RAI14: variants seen among roughly 807,000 people sequenced by gnomAD.
RAI14 encodes retinoic acid induced 14.
RAI14 carries 45 observed loss-of-function variants against 115.4 expected under a neutral mutation model. The observed-to-expected ratio is 0.39, with a 90% CI of 0.31 to 0.50. RAI14 has a LOEUF of 0.50. Among genes scored for constraint, RAI14 ranks in the 20% least tolerant of loss-of-function variants. The pLI, the probability that RAI14 is intolerant of heterozygous loss-of-function variation, is 0.85. For synonymous variants in RAI14, 371 were observed against 415.4 expected (o/e 0.89, Z 1.30); for missense variants, 939 against 1,131.2 (o/e 0.83, Z 2.44).
chr5:34,759,515 T>C (rs1454270360), intron 3 of RAI14, among the ~76,000 whole-genome samples: 2 of 152,286 alleles, frequency 1.3e-5, no homozygotes, highest in African/African-American at 2.4e-5. Context: ...CAAACCCTAC[T>C]GTGAACTGCA....
chr5:34,795,311 A>C (rs138649380), intron 3 of RAI14, among the ~76,000 whole-genome samples: 276 of 152,314 alleles, frequency 1.8e-3, no homozygotes, highest in Non-Finnish European at 2.8e-3. Flanking sequence ...CTTGCCATCT[A>C]ATGGAGAAAG....
At chr5:34,799,337 T>A (rs547437265) in intron 4 of RAI14, among the ~76,000 whole-genome samples, 2 of 152,252 alleles carry the variant, frequency 1.3e-5, no homozygotes, top group South Asian at 4.1e-4. Context: ...CTTTTACAGG[T>A]ATTGTCTTTC....
intron 3 of RAI14, 91 bp downstream of exon 3, chr5:34,757,689 G>A (rs528298782): frequency 9.1e-6 from 13 of 1,430,284 alleles, no homozygotes; most frequent in African/African-American, 4.3e-5. Context: ...AATTTCACAC[G>A]TGCTCCCTCT....
intron 2 of RAI14, among the ~76,000 whole-genome samples, chr5:34,732,613 G>A (rs1580066989): frequency 6.6e-6 from 1 of 151,166 alleles, no homozygotes; most frequent in Non-Finnish European, 1.5e-5. Flanking sequence ...TAATTTTTGT[G>A]TTTTTAGTAG....
intron 17 of RAI14, 55 bp downstream of exon 17, chr5:34,829,852 T>C: frequency 7.2e-7 from 1 of 1,382,996 alleles, no homozygotes; most frequent in East Asian, 2.4e-5. Context: ...CGGCAGCAGA[T>C]GTTGACAGAA....
chr5:34,752,727 G>GTATATATA (rs1462269667), intron 2 of RAI14, among the ~76,000 whole-genome samples: 11 of 86,722 alleles, frequency 1.3e-4, no homozygotes, highest in African/African-American at 1.8e-4. Flanking sequence ...GTGTGTGTGT[G>GTATATATA]TGTGTGTGTG....
chr5:34,674,942 G>A (rs1170704035), intron 1 of RAI14, among the ~76,000 whole-genome samples: 2 of 150,696 alleles, frequency 1.3e-5, no homozygotes, highest in Non-Finnish European at 2.9e-5. Flanking sequence ...TTGTCACCAG[G>A]CCTGAGTCCA....
chr5:34,704,167 C>G (rs1389651998), intron 2 of RAI14, among the ~76,000 whole-genome samples: 1 of 152,184 alleles, frequency 6.6e-6, no homozygotes, highest in Non-Finnish European at 1.5e-5. Context: ...CATTACAATA[C>G]CAGGAAAGCT....
At chr5:34,782,989 G>A (rs537472097) in intron 3 of RAI14, among the ~76,000 whole-genome samples, 1 of 152,306 alleles carries the variant, frequency 6.6e-6, no homozygotes, top group South Asian at 2.1e-4. Context: ...AGGGTAGTAT[G>A]CCTCAATTAT....
chr5:34,677,695 T>C (rs1744088821), intron 1 of RAI14, among the ~76,000 whole-genome samples: 1 of 152,156 alleles, frequency 6.6e-6, no homozygotes, highest in African/African-American at 2.4e-5. Context: ...CATCTTGGCC[T>C]CCCAAAGTGC....
intron 2 of RAI14, among the ~76,000 whole-genome samples, chr5:34,729,537 C>T (rs554801352): frequency 1.1e-4 from 17 of 152,144 alleles, no homozygotes; most frequent in South Asian, 4.1e-4. Context: ...TGGAAGTACG[C>T]GCTACCTTCT....
At chr5:34,687,808 G>GA in intron 2 of RAI14, 1 of 1,460,794 alleles carries the variant, frequency 6.8e-7, no homozygotes, top group Non-Finnish European at 9.4e-7. Flanking sequence ...GCTTTGCCGT[G>GA]AATTATATTT....
intron 14 of RAI14, among the ~76,000 whole-genome samples, 170 bp downstream of exon 14, chr5:34,822,020 CTCTT>C (rs1293320225): frequency 6.6e-6 from 1 of 151,270 alleles, no homozygotes; most frequent in South Asian, 2.1e-4. Flanking sequence ...TATTCATTAA[CTCTT>C]TCTGTAAATT....
intron 10 of RAI14, 121 bp from the exon 11 acceptor site, chr5:34,813,453 T>C: frequency 1.7e-6 from 1 of 583,344 alleles, no homozygotes; most frequent in Non-Finnish European, 3.0e-6. Context: ...TTTCAGATTT[T>C]GATAAAGTAA....
intron 4 of RAI14, among the ~76,000 whole-genome samples, chr5:34,796,397 CAAA>C (rs373073743): frequency 8.1e-6 from 1 of 124,070 alleles, no homozygotes; most frequent in Admixed American, 8.0e-5. Context: ...GACTCTGTCT[CAAA>C]AAAAAAAAAA....
In RAI14 at chr5:34,760,667, C is replaced by T. The variant is rs188274724; in HGVS notation, c.167+3069C>T. On this transcript the variant is annotated intron_variant, in intron 3 of 17. Transcript: ENST00000265109. ...GCAGCTTAGCTACAATTGTGATCAC[C>T]TTAACAAATTTGAACCTTTTGATCA... Among the ~76,000 whole-genome samples, 394 of 152,252 alleles carry T rather than the reference C, an allele frequency of 2.6e-3. 1 individual carries two copies. Among genetic ancestry groups the T allele is most frequent in the African/African-American group, 9.0e-3 (374 of 41,550 alleles).
At chr5:34,766,197 C>T (rs908247215) in intron 3 of RAI14, among the ~76,000 whole-genome samples, 2 of 152,176 alleles carry the variant, frequency 1.3e-5, no homozygotes, top group Admixed American at 6.5e-5. Flanking sequence ...CACAGAGTCC[C>T]TACTGGGGTA....
At chr5:34,695,108 C>T (rs565123676) in intron 2 of RAI14, among the ~76,000 whole-genome samples, 1 of 152,210 alleles carries the variant, frequency 6.6e-6, no homozygotes, top group African/African-American at 2.4e-5. Flanking sequence ...CCATGTTGCC[C>T]AGGCTGGTCC....
Position 34,757,599 on chromosome 5 carries a change from G to T in RAI14, c.167+1G>T. On this transcript the variant is annotated splice_donor_variant, in intron 3 of 17. Transcript: ENST00000265109. LOFTEE classifies it high-confidence loss of function. ...AACACGACAGTGAGGGCAAGACCGC[G>T]TAAGCTGAAACACTGGTTTGCAGAT... The T allele has an allele frequency of 6.2e-7, 1 of 1,606,338 alleles. No homozygotes were observed. The highest frequency in any genetic ancestry group is 8.5e-7 in the Non-Finnish European group (1 of 1,175,878).
Sources: allele counts gnomAD v4.1 joint callset (sites outside exome capture counted in the v4.1 genomes callset), GRCh38; gene constraint gnomAD v4.1.1; transcripts MANE v1.5; gene names NCBI Gene and HGNC (gene_info 2026-07-23, HGNC 2026-07-21).